HCLS1: variants seen among roughly 807,000 people sequenced by gnomAD.
The protein encoded by HCLS1 is hematopoietic cell-specific Lyn substrate 1.
In HCLS1, 44 loss-of-function variants were observed where a neutral mutation model predicts 68.6. That is an observed-to-expected ratio of 0.64 (90% CI 0.50 to 0.82). The LOEUF (loss-of-function observed/expected upper bound fraction) is 0.82. HCLS1 is among the 40% of genes least tolerant of loss of function. HCLS1 has a pLI of 0.00. For missense variants in HCLS1, 602 were observed against 612.1 expected, an observed-to-expected ratio of 0.98 and a Z score of 0.17; for synonymous variants, 217 against 225.8, an observed-to-expected ratio of 0.96 and a Z score of 0.35.
chr3:121,656,569 T>TTTTGTTTGTTTG (rs35077759), intron 3 of HCLS1, among the ~76,000 whole-genome samples: 1 of 151,670 alleles, frequency 6.6e-6, no homozygotes, highest in Non-Finnish European at 1.5e-5. Context: ...TATCGGAGGG[T>TTTTGTTTGTTTG]TTTGTTTGTT....
intron 4 of HCLS1, among the ~76,000 whole-genome samples, chr3:121,646,551 T>C (rs1197775167): frequency 9.1e-6 from 1 of 109,570 alleles, no homozygotes; most frequent in African/African-American, 3.7e-5. Context: ...ATATATTATA[T>C]ATATTAATAT....
In HCLS1 at chr3:121,648,040, T is replaced by G. The variant is rs576553135; in HGVS notation, c.159-592A>C. Among the ~76,000 whole-genome samples the G allele has an allele frequency of 5.9e-5, 9 of 152,330 alleles. No homozygotes were observed. In the South Asian group the frequency reaches 1.9e-3, roughly 32 times the overall value. ...ATTGAAATACTACCTTTCACTAGTG[T>G]ACTAGGAAGTCATTAAATATAATGC... is the stretch of plus-strand genomic sequence containing the variant. On this transcript the variant is annotated intron_variant, in intron 3 of 13. Coordinates refer to ENST00000314583, the MANE Select transcript of HCLS1 (RefSeq NM_005335.6).
chr3:121,659,661 C>A (rs1056201294), intron 1 of HCLS1, among the ~76,000 whole-genome samples: 11 of 152,200 alleles, frequency 7.2e-5, no homozygotes, highest in Non-Finnish European at 1.5e-4. Context: ...TGGCTGAAAG[C>A]AGCTTGGCTT....
chr3:121,647,394 T>C lies in HCLS1; in HGVS notation c.213A>G (p.Lys71=). 1 of 1,614,136 alleles carries C rather than the reference T, an allele frequency of 6.2e-7. No individual in the cohort carries two copies. Residue 71 remains lysine (K), a synonymous_variant, in exon 4 of 14, where the codon AAA becomes AAG. Coordinates refer to ENST00000314583, the MANE Select transcript of HCLS1 (RefSeq NM_005335.6). ...VSEEHDVLRK[K]EMESGPKASH... is the part of the protein sequence containing the mutation. ...ATGCTTTGGGCCCTGACTCCATCTC[T>C]TTCTTCCTGAGAACATCATGCTCCT...
rs762816948 is a variant in HCLS1 at position 121,634,262 on chromosome 3, A to G, written c.848T>C (p.Ile283Thr). The change falls in exon 10 of 14, where the codon ATA (isoleucine) becomes ACA (threonine). Residue 283 changes from isoleucine to threonine, a missense_variant. Coordinates refer to ENST00000314583, the MANE Select transcript of HCLS1 (RefSeq NM_005335.6). ...CGGTACTGCTGGCTCTTCCATAGCT[A>G]TCACTGGCTGTGGAGCCTCAGGGCT... ...KRSPEAPQPV[I>T]AMEEPAVPAP... 5.0e-6 allele frequency: 8 copies of G among 1,614,188 alleles called. No homozygotes were observed. The South Asian group carries it at 8.8e-5, about 18-fold the overall frequency.
chr3:121,634,108 G>A (rs1302912619), intron 10 of HCLS1, 99 bp downstream of exon 10: 2 of 1,574,850 alleles, frequency 1.3e-6, no homozygotes, highest in African/African-American at 1.4e-5. Flanking sequence ...CTAACCCAGG[G>A]GAGGACTTTG....
chr3:121,660,080 G>A (rs12493927), intron 1 of HCLS1, among the ~76,000 whole-genome samples: 15,338 of 152,208 alleles, frequency 0.1, 847 homozygotes, highest in South Asian at 0.16. Context: ...CAGACTGGGA[G>A]TCAGAAGCCC....
intron 5 of HCLS1, chr3:121,643,212 G>T: frequency 2.6e-6 from 1 of 391,286 alleles, no homozygotes; most frequent in Non-Finnish European, 4.8e-6. Context: ...CCTATTTATA[G>T]TTGTTGAAGT....
At chr3:121,647,691 C>A (rs1937643564) in intron 3 of HCLS1, among the ~76,000 whole-genome samples, 1 of 152,160 alleles carries the variant, frequency 6.6e-6, no homozygotes, top group Non-Finnish European at 1.5e-5. Context: ...ACTAAAATAA[C>A]CTTCTGATCT....
At chr3:121,659,872 G>T (rs1188356301) in intron 1 of HCLS1, among the ~76,000 whole-genome samples, 1 of 152,172 alleles carries the variant, frequency 6.6e-6, no homozygotes, top group East Asian at 1.9e-4. Context: ...CCTTCCTGTG[G>T]CTCCTCTGAG....
Position 121,631,719 on chromosome 3 carries a change from A to T in HCLS1, c.*127T>A. On this transcript the variant is annotated 3_prime_UTR_variant, in exon 14 of 14. Coordinates refer to ENST00000314583, the MANE Select transcript of HCLS1 (RefSeq NM_005335.6). Reference sequence around the variant, plus strand: ...CTGTCTCTGCCCCAAGCCCTTAATGAAGCAGGAGAGGGAAGTCTGTCCAGA... The same window carrying T: ...CTGTCTCTGCCCCAAGCCCTTAATGTAGCAGGAGAGGGAAGTCTGTCCAGA... The T allele has an allele frequency of 1.0e-6, 1 of 982,134 alleles. No homozygotes were observed. Among genetic ancestry groups the T allele is most frequent in the Non-Finnish European group, 1.5e-6 (1 of 659,768 alleles). The allele number at this position is 982,134 out of a possible 1,614,324, so 60.8% of individuals were successfully genotyped here. A position where few individuals can be genotyped will look rare whatever the true frequency, so the allele number is the denominator to read the frequency against.
intron 6 of HCLS1, among the ~76,000 whole-genome samples, chr3:121,639,010 A>AACAC (rs56054727): frequency 6.7e-6 from 1 of 149,286 alleles, no homozygotes; most frequent in South Asian, 2.1e-4. Flanking sequence ...GCAAGACTCC[A>AACAC]ACACACACAC....
chr3:121,639,563 T>G (rs560218669), intron 6 of HCLS1, among the ~76,000 whole-genome samples: 24 of 146,636 alleles, frequency 1.6e-4, no homozygotes, highest in Middle Eastern at 3.4e-3. Context: ...TGTTGTTGTT[T>G]TTTGAGACAG....
intron 8 of HCLS1, among the ~76,000 whole-genome samples, 153 bp from the exon 9 acceptor site, chr3:121,635,957 G>A (rs943552561): frequency 6.6e-6 from 1 of 152,134 alleles, no homozygotes; most frequent in African/African-American, 2.4e-5. Flanking sequence ...TTGTTTTGTG[G>A]TAGAGAGGGG....
intron 7 of HCLS1, 150 bp downstream of exon 7, chr3:121,636,996 C>T: frequency 1.6e-6 from 1 of 636,646 alleles, no homozygotes; most frequent in South Asian, 1.8e-5. Context: ...ACTACCACCA[C>T]CTGTCCCCAC....
intron 2 of HCLS1, 130 bp from the exon 3 acceptor site, chr3:121,657,482 A>G: frequency 1.3e-6 from 1 of 754,818 alleles, no homozygotes; most frequent in South Asian, 1.6e-5. Context: ...CTTTATTCAC[A>G]TCCCCTCTAT....
intron 5 of HCLS1, 165 bp from the exon 6 acceptor site, chr3:121,643,146 A>T: frequency 3.4e-6 from 2 of 589,806 alleles, no homozygotes; most frequent in Admixed American, 5.3e-5. Flanking sequence ...AGGATACTAC[A>T]GAGCAATGAA....
chr3:121,634,670 AG>A (rs1210400376), intron 9 of HCLS1, among the ~76,000 whole-genome samples: 2 of 151,812 alleles, frequency 1.3e-5, no homozygotes, highest in Non-Finnish European at 2.9e-5. Context: ...ACAGGGTCTC[AG>A]CCCAGGCTAG....
At chr3:121,646,589 AAT>A (rs1478563466) in intron 4 of HCLS1, among the ~76,000 whole-genome samples, 3 of 110,626 alleles carry the variant, frequency 2.7e-5, no homozygotes, top group African/African-American at 3.7e-5. Flanking sequence ...TAATATATAT[AAT>A]ATATATTAAT....
Sources: gnomAD v4.1 joint callset for allele counts (sites outside exome capture counted in the v4.1 genomes callset) on GRCh38, gnomAD v4.1.1 for gene constraint, MANE v1.5 for transcripts, NCBI Gene and HGNC (gene_info 2026-07-23, HGNC 2026-07-21) for gene names.